The following GLB1 variants were observed in gnomAD, a reference collection of about 807,000 sequenced individuals.
GLB1 encodes beta-galactosidase.
A neutral mutation model predicts 74.0 loss-of-function variants in GLB1; 56 were observed. That is an observed-to-expected ratio of 0.76 (90% CI 0.61 to 0.94). The LOEUF is 0.94. GLB1 is among the 40% of genes least tolerant of loss of function. The probability of loss-of-function intolerance (pLI) is 0.00; values close to 1 mark genes in which losing one functional copy is unlikely to be tolerated. For missense variants in GLB1, 787 were observed against 845.5 expected (o/e 0.93, Z 0.86); for synonymous variants, 323 against 323.6 (o/e 1.00, Z 0.02).
chr3:33,073,331 G>T (rs1036729517), intron 1 of GLB1, among the ~76,000 whole-genome samples: 1 of 152,134 alleles, frequency 6.6e-6, no homozygotes, highest in Non-Finnish European at 1.5e-5. Flanking sequence ...TTGTAAAATT[G>T]TGGGCCATGA....
chr3:33,034,068 C>A, intron 10 of GLB1: 1 of 549,238 alleles, frequency 1.8e-6, no homozygotes, highest in South Asian at 1.6e-5. Flanking sequence ...GCTCACCCCA[C>A]ATATGGCAAT....
intron 2 of GLB1, among the ~76,000 whole-genome samples, chr3:33,070,448 T>G (rs1170138590): frequency 1.3e-5 from 2 of 152,156 alleles, no homozygotes; most frequent in Non-Finnish European, 2.9e-5. Flanking sequence ...TTATGAATTT[T>G]TACAGCAGCT....
the GLB1 span, among the ~76,000 whole-genome samples, chr3:32,977,022 G>A: frequency 6.6e-6 from 1 of 152,090 alleles, no homozygotes; most frequent in Admixed American, 6.6e-5. Context: ...TGAAATTCAA[G>A]GGACTCTGTT....
intron 1 of GLB1, among the ~76,000 whole-genome samples, chr3:33,083,507 A>C (rs1700399718): frequency 6.6e-6 from 1 of 152,182 alleles, no homozygotes; most frequent in African/African-American, 2.4e-5. Context: ...CAAATAATGC[A>C]AGATTTGACC....
At chr3:33,025,039 G>A (rs1296127251) in intron 10 of GLB1, among the ~76,000 whole-genome samples, 2 of 151,748 alleles carry the variant, frequency 1.3e-5, no homozygotes, top group Admixed American at 6.6e-5. Context: ...TCTGCCTCCC[G>A]GGTTCAAGTG....
the GLB1 span, among the ~76,000 whole-genome samples, chr3:32,984,573 T>C: frequency 1.7e-4 from 25 of 150,702 alleles, no homozygotes; most frequent in East Asian, 4.6e-3. Flanking sequence ...AGCCCAGAAA[T>C]TTGAGACCAG....
chr3:32,974,472 C>A, the GLB1 span, among the ~76,000 whole-genome samples: 2 of 152,152 alleles, frequency 1.3e-5, no homozygotes, highest in African/African-American at 4.8e-5. Flanking sequence ...ATATCCATAT[C>A]TATAGCTGTG....
intron 10 of GLB1, among the ~76,000 whole-genome samples, chr3:33,035,780 A>C (rs1022090871): frequency 1.3e-5 from 2 of 152,194 alleles, no homozygotes; most frequent in African/African-American, 4.8e-5. Flanking sequence ...GGAATTTGTA[A>C]TGATTTCTTG....
the GLB1 span, among the ~76,000 whole-genome samples, chr3:32,985,613 T>C: frequency 6.6e-6 from 1 of 152,154 alleles, no homozygotes; most frequent in African/African-American, 2.4e-5. Context: ...TTTTATGATG[T>C]ACCTTTATAT....
At chr3:33,000,090 C>G (rs1215236854) in intron 15 of GLB1, among the ~76,000 whole-genome samples, 1 of 151,892 alleles carries the variant, frequency 6.6e-6, no homozygotes, top group Non-Finnish European at 1.5e-5. Flanking sequence ...CGGGCATGCC[C>G]CACCATGCCT....
intron 14 of GLB1, among the ~76,000 whole-genome samples, chr3:33,015,304 G>A (rs139281299): frequency 4.6e-5 from 7 of 152,168 alleles, no homozygotes; most frequent in South Asian, 2.1e-4. Context: ...GACCACACCC[G>A]AGTCACTCAC....
At chr3:33,074,622 C>A (rs1368178393) in intron 1 of GLB1, among the ~76,000 whole-genome samples, 3 of 152,046 alleles carry the variant, frequency 2.0e-5, no homozygotes, top group Non-Finnish European at 4.4e-5. Context: ...GGGGGTTCGA[C>A]TGTTAAGCCG....
intron 10 of GLB1, among the ~76,000 whole-genome samples, chr3:33,027,423 C>G (rs1027487562): frequency 6.6e-6 from 1 of 152,240 alleles, no homozygotes; most frequent in African/African-American, 2.4e-5. Flanking sequence ...CCTGCCAGGC[C>G]GAGTGGGCAG....
chr3:33,021,363 G>A (rs1023260153), intron 12 of GLB1: 5 of 621,082 alleles, frequency 8.1e-6, no homozygotes, highest in Non-Finnish European at 1.4e-5. Context: ...AGAAGAAGTG[G>A]GGCAAAAAAT....
chr3:33,051,660 A>G (rs1315739988), intron 9 of GLB1, 98 bp downstream of exon 9: 6 of 1,567,688 alleles, frequency 3.8e-6, no homozygotes, highest in East Asian at 4.6e-5. Flanking sequence ...GGATAAACAA[A>G]AAAAGGAAAA....
chr3:33,053,339 T>C, intron 7 of GLB1, 152 bp downstream of exon 7: 1 of 1,096,938 alleles, frequency 9.1e-7, no homozygotes, highest in East Asian at 2.5e-5. Context: ...GTTTCTGCTG[T>C]CATTCACATG....
the GLB1 span, among the ~76,000 whole-genome samples, chr3:32,979,835 G>C: frequency 1.5e-5 from 2 of 130,450 alleles, no homozygotes; most frequent in African/African-American, 6.1e-5. Context: ...CTGGGTGACA[G>C]AGTGAGACCC....
At chr3:33,006,294 T>A (rs561760810) in intron 15 of GLB1, among the ~76,000 whole-genome samples, 1 of 152,296 alleles carries the variant, frequency 6.6e-6, no homozygotes, top group South Asian at 2.1e-4. Context: ...CATCAGATTC[T>A]CATAGGAGCA....
chr3:33,068,706 C>T (rs1699785341), intron 3 of GLB1, 114 bp downstream of exon 3: 3 of 1,581,056 alleles, frequency 1.9e-6, no homozygotes, highest in Admixed American at 1.8e-5. Context: ...GTGCTGGGTA[C>T]AGTCCCAGGC....
Sources: allele counts gnomAD v4.1 joint callset (sites outside exome capture counted in the v4.1 genomes callset), GRCh38; gene constraint gnomAD v4.1.1; transcripts MANE v1.5; gene names NCBI Gene and HGNC (gene_info 2026-07-23, HGNC 2026-07-21).